The following SYT1 variants were observed in gnomAD, a reference collection of about 807,000 sequenced individuals.
SYT1 encodes the protein synaptotagmin-1.
Under a neutral mutation model 44.8 loss-of-function variants are expected in SYT1, and 8 were observed. That is an observed-to-expected ratio of 0.18 (90% CI 0.10 to 0.32). The LOEUF (loss-of-function observed/expected upper bound fraction) is 0.32. SYT1 is among the 10% of genes least tolerant of loss of function. The pLI is 1.00. For missense variants in SYT1, 286 were observed against 509.3 expected (o/e 0.56, Z 4.22); for synonymous variants, 154 against 188.8 (o/e 0.82, Z 1.51).
In SYT1 at chr12:79,023,213, C is replaced by T. The variant is rs140545104; in HGVS notation, c.-83-24084C>T. Among the ~76,000 whole-genome samples the T allele has an allele frequency of 4.5e-3, 689 of 151,850 alleles. 5 individuals carry two copies. Among genetic ancestry groups the T allele is most frequent in the African/African-American group, 0.015 (640 of 41,444 alleles). On this transcript the variant is annotated intron_variant, in intron 2 of 10. Coordinates refer to ENST00000261205, the MANE Select transcript of SYT1 (RefSeq NM_005639.3). ...AATTGGTTTGACAATGCTGCTTCTACCTGAATATAAAAGAGTTGAAGTAGG... is the reference window on the plus strand; with the variant it reads ...AATTGGTTTGACAATGCTGCTTCTATCTGAATATAAAAGAGTTGAAGTAGG...
chr12:79,331,149 C>A (rs950924730), intron 8 of SYT1, among the ~76,000 whole-genome samples: 3 of 152,168 alleles, frequency 2.0e-5, no homozygotes, highest in African/African-American at 7.2e-5. Context: ...GCTTTCCCAC[C>A]TAACTGTACC....
intron 4 of SYT1, among the ~76,000 whole-genome samples, chr12:79,237,629 G>T (rs1273019283): frequency 6.6e-6 from 1 of 152,130 alleles, no homozygotes; most frequent in Non-Finnish European, 1.5e-5. Flanking sequence ...GCCTACTCCA[G>T]CTCCAGAAGC....
chr12:79,312,702 T>C (rs555582601), intron 8 of SYT1, among the ~76,000 whole-genome samples: 2 of 152,188 alleles, frequency 1.3e-5, no homozygotes, highest in South Asian at 4.1e-4. Context: ...TTTTCCTTTT[T>C]TCTTCAGAGC....
chr12:79,312,458 T>A (rs1382517923), intron 8 of SYT1, among the ~76,000 whole-genome samples: 1 of 152,232 alleles, frequency 6.6e-6, no homozygotes, highest in Admixed American at 6.5e-5. Flanking sequence ...CATCTTTTTC[T>A]TTTCTAGTCC....
intron 5 of SYT1, among the ~76,000 whole-genome samples, chr12:79,286,514 C>T (rs1006132436): frequency 3.9e-5 from 6 of 152,076 alleles, no homozygotes; most frequent in African/African-American, 7.2e-5. Context: ...CTAAAGAACA[C>T]GACAGGATAG....
intron 8 of SYT1, among the ~76,000 whole-genome samples, chr12:79,339,930 C>G (rs972636139): frequency 6.6e-6 from 1 of 152,158 alleles, no homozygotes; most frequent in Admixed American, 6.5e-5. Context: ...AATAGGGAAT[C>G]CTTTCCCCAT....
chr12:79,444,222 A>C lies in SYT1; in HGVS notation c.1062+16A>C, dbSNP rs1280134098. ...ACAAATCCAGGTAATGTCAAACATA[A>C]CTTTGTCTTCCCACTCAATTTCATT... On this transcript the variant is annotated intron_variant, in intron 10 of 10. Coordinates refer to ENST00000261205, the MANE Select transcript of SYT1 (RefSeq NM_005639.3). 1 of 1,611,674 alleles carries C rather than the reference A, an allele frequency of 6.2e-7. No individual in the cohort carries two copies. Among genetic ancestry groups the C allele is most frequent in the Non-Finnish European group, 8.5e-7 (1 of 1,178,738 alleles).
intron 6 of SYT1, among the ~76,000 whole-genome samples, chr12:79,294,260 T>C (rs1184220551): frequency 6.6e-6 from 1 of 152,108 alleles, no homozygotes. Flanking sequence ...AGAGTACATT[T>C]ACTGTTCCCT....
intron 1 of SYT1, among the ~76,000 whole-genome samples, chr12:78,866,429 C>T (rs1873547327): frequency 6.6e-6 from 1 of 152,108 alleles, no homozygotes. Context: ...AAGGGGAAAA[C>T]ATTTTTGTAA....
chr12:79,349,169 A>C (rs1882778874), intron 8 of SYT1, among the ~76,000 whole-genome samples: 1 of 151,000 alleles, frequency 6.6e-6, no homozygotes, highest in African/African-American at 2.4e-5. Context: ...GAAGGAAGGA[A>C]AGAAGGGACG....
chr12:78,959,939 A>G (rs755817407), intron 1 of SYT1, among the ~76,000 whole-genome samples: 16 of 152,232 alleles, frequency 1.1e-4, no homozygotes, highest in Admixed American at 1.3e-4. Flanking sequence ...CAGTAAACAA[A>G]TAAACACTAC....
intron 1 of SYT1, among the ~76,000 whole-genome samples, chr12:78,942,045 G>A (rs1327462159): frequency 6.6e-6 from 1 of 152,128 alleles, no homozygotes; most frequent in Non-Finnish European, 1.5e-5. Flanking sequence ...CAACTTCATT[G>A]TCTTTGTGGA....
chr12:79,416,552 T>C (rs951774069), intron 9 of SYT1, among the ~76,000 whole-genome samples: 1 of 152,110 alleles, frequency 6.6e-6, no homozygotes, highest in Non-Finnish European at 1.5e-5. Context: ...CTCAGAAAAA[T>C]GCGAGCATTG....
At chr12:79,442,414 T>C (rs187257572) in intron 9 of SYT1, among the ~76,000 whole-genome samples, 1 of 152,180 alleles carries the variant, frequency 6.6e-6, no homozygotes, top group Non-Finnish European at 1.5e-5. Context: ...GGAGTTGGTT[T>C]TACATCTCTA....
intron 10 of SYT1, 61 bp downstream of exon 10, chr12:79,444,267 A>G: frequency 6.3e-7 from 1 of 1,592,990 alleles, no homozygotes; most frequent in East Asian, 2.2e-5. Flanking sequence ...CACATAAATT[A>G]TACACACAGA....
intron 8 of SYT1, among the ~76,000 whole-genome samples, chr12:79,329,128 A>G (rs1881742977): frequency 1.3e-5 from 2 of 152,164 alleles, no homozygotes; most frequent in African/African-American, 2.4e-5. Flanking sequence ...ATGAAATCCA[A>G]ACTGTGTTAT....
chr12:79,003,053 G>A (rs1870845779), intron 2 of SYT1, among the ~76,000 whole-genome samples: 1 of 151,920 alleles, frequency 6.6e-6, no homozygotes, highest in Non-Finnish European at 1.5e-5. Flanking sequence ...AATCATTTAA[G>A]AAAAGAATTC....
intron 3 of SYT1, among the ~76,000 whole-genome samples, chr12:79,090,892 G>GT (rs761358187): frequency 5.3e-5 from 8 of 151,946 alleles, no homozygotes; most frequent in Non-Finnish European, 1.2e-4. Context: ...GTAACCTGTG[G>GT]TAATAGTTTC....
intron 2 of SYT1, among the ~76,000 whole-genome samples, chr12:78,981,635 A>T (rs1869271155): frequency 6.6e-6 from 1 of 152,094 alleles, no homozygotes; most frequent in Non-Finnish European, 1.5e-5. Flanking sequence ...CTCTTTATTG[A>T]GTTCCACTTT....
Sources: gnomAD v4.1 joint callset for allele counts (sites outside exome capture counted in the v4.1 genomes callset) on GRCh38, gnomAD v4.1.1 for gene constraint, MANE v1.5 for transcripts, NCBI Gene and HGNC (gene_info 2026-07-23, HGNC 2026-07-21) for gene names.